PLCXD3: variants seen among roughly 807,000 people sequenced by gnomAD.
PLCXD3 encodes the protein phosphatidylinositol specific phospholipase C X domain containing 3.
In PLCXD3, 19 loss-of-function variants were observed where a neutral mutation model predicts 25.5. That is an observed-to-expected ratio of 0.75 (90% confidence interval 0.52 to 1.09). The LOEUF is 1.09. PLCXD3 is among the 50% of genes least tolerant of loss of function. PLCXD3 has a pLI of 0.00. For missense variants in PLCXD3, 411 were observed against 388.1 expected, an observed-to-expected ratio of 1.06 and a Z score of -0.50; for synonymous variants, 174 against 137.6, an observed-to-expected ratio of 1.26 and a Z score of -1.85.
chr5:41,364,441 C>G (rs1744879280), intron 2 of PLCXD3, among the ~76,000 whole-genome samples: 1 of 152,110 alleles, frequency 6.6e-6, no homozygotes, highest in Admixed American at 6.6e-5. Context: ...AGCAGAAAAT[C>G]CTATTTGCCT....
intron 2 of PLCXD3, 43 bp downstream of exon 2, chr5:41,381,783 T>A (rs1554046374): frequency 6.7e-7 from 1 of 1,483,946 alleles, no homozygotes. Flanking sequence ...AAATTCAAGT[T>A]AAATTATTTG....
intron 2 of PLCXD3, among the ~76,000 whole-genome samples, chr5:41,340,297 A>C (rs1744102886): frequency 6.6e-6 from 1 of 152,202 alleles, no homozygotes; most frequent in Non-Finnish European, 1.5e-5. Flanking sequence ...TGATACTGTG[A>C]AATGACTAAT....
At chr5:41,492,555 G>A (rs1211333030) in intron 1 of PLCXD3, among the ~76,000 whole-genome samples, 12 of 151,228 alleles carry the variant, frequency 7.9e-5, no homozygotes, top group East Asian at 5.8e-4. Flanking sequence ...CATTCTCCCC[G>A]TCACTTTCAG....
At chr5:41,456,507 G>GAA in intron 1 of PLCXD3, 2 of 805,098 alleles carry the variant, frequency 2.5e-6, no homozygotes, top group Non-Finnish European at 3.0e-6. Flanking sequence ...CATTTATGTT[G>GAA]AAAAAAAAAG....
chr5:41,467,481 A>AT (rs1321038272), intron 1 of PLCXD3, among the ~76,000 whole-genome samples: 1 of 151,956 alleles, frequency 6.6e-6, no homozygotes, highest in African/African-American at 2.4e-5. Context: ...ATTTGCAAGT[A>AT]TTTTCTCCCA....
intron 2 of PLCXD3, among the ~76,000 whole-genome samples, chr5:41,361,925 T>G (rs1217551983): frequency 6.6e-6 from 1 of 152,186 alleles, no homozygotes; most frequent in Non-Finnish European, 1.5e-5. Context: ...ACTAGAGATA[T>G]AGAAAGTGGC....
chr5:41,417,663 A>ACCTTTTC (rs1432182358), intron 1 of PLCXD3, among the ~76,000 whole-genome samples: 2 of 152,308 alleles, frequency 1.3e-5, no homozygotes, highest in Non-Finnish European at 1.5e-5. Context: ...GAGTTTACTG[A>ACCTTTTC]CCTTTTCCCT....
intron 1 of PLCXD3, among the ~76,000 whole-genome samples, chr5:41,508,031 T>G (rs1467191221): frequency 6.6e-6 from 1 of 152,218 alleles, no homozygotes. Context: ...CCAAACAAAT[T>G]TACAGAAACA....
At chr5:41,508,342 A>T in intron 1 of PLCXD3, among the ~76,000 whole-genome samples, 1 of 152,214 alleles carries the variant, frequency 6.6e-6, no homozygotes. Flanking sequence ...GGTTAGTCAC[A>T]GTTGCTGCTG....
chr5:41,373,237 A>G (rs749830236), intron 2 of PLCXD3, among the ~76,000 whole-genome samples: 31 of 152,048 alleles, frequency 2.0e-4, no homozygotes, highest in Non-Finnish European at 4.1e-4. Flanking sequence ...TTCTTCCTCA[A>G]CAGAGACAGC....
chr5:41,451,638 TC>T (rs1370708351), intron 1 of PLCXD3, among the ~76,000 whole-genome samples: 69 of 150,554 alleles, frequency 4.6e-4, no homozygotes, highest in Non-Finnish European at 6.2e-4. Flanking sequence ...ATCTTTCCTC[TC>T]TCTTTTTTTT....
chr5:41,358,546 C>T (rs948663312), intron 2 of PLCXD3, among the ~76,000 whole-genome samples: 1 of 152,198 alleles, frequency 6.6e-6, no homozygotes, highest in Non-Finnish European at 1.5e-5. Flanking sequence ...TAAGTGAGAA[C>T]ATATGATGTT....
chr5:41,453,131 T>C (rs900043831), intron 1 of PLCXD3, among the ~76,000 whole-genome samples: 6 of 151,928 alleles, frequency 3.9e-5, no homozygotes, highest in African/African-American at 1.4e-4. Context: ...ACCAAAATTT[T>C]GTATCCTTTG....
chr5:41,327,936 G>T (rs145322544), intron 2 of PLCXD3, among the ~76,000 whole-genome samples: 2 of 152,064 alleles, frequency 1.3e-5, no homozygotes, highest in African/African-American at 2.4e-5. Flanking sequence ...CTCCCAAAGC[G>T]CTGGGATTAC....
chr5:41,440,215 A>ATTTTTTTTTTTTTTTTTTTTTT lies in PLCXD3; in HGVS notation c.104-57703_104-57682dup, dbSNP rs70988846. Among the ~76,000 whole-genome samples the ATTTTTTTTTTTTTTTTTTTTTT allele has an allele frequency of 4.9e-4, 20 of 41,080 alleles. 2 individuals carry two copies. The highest frequency in any genetic ancestry group is 1.0e-3 in the African/African-American group (10 of 9,610). 27.0% of individuals were successfully genotyped at this position (41,080 alleles called of 152,430 possible). On this transcript the variant is annotated intron_variant, in intron 1 of 2. Coordinates refer to ENST00000377801, the MANE Select transcript of PLCXD3 (RefSeq NM_001005473.3). ...TCTGAGCAAATTACATAATCTCTCAATTTTTTTTTTTTTTTTTTTTTTTTT... is the reference window on the plus strand; with the variant it reads ...TCTGAGCAAATTACATAATCTCTCAATTTTTTTTTTTTTTTTTTTTTTTTTTTTTTTTTTTTTTTTTTTTTTT...
chr5:41,489,196 C>T (rs1474988579), intron 1 of PLCXD3, among the ~76,000 whole-genome samples: 2 of 152,050 alleles, frequency 1.3e-5, no homozygotes, highest in Non-Finnish European at 2.9e-5. Flanking sequence ...AATCCTTTCC[C>T]CATTGCTTGT....
At chr5:41,419,246 T>A (rs769377551) in intron 1 of PLCXD3, among the ~76,000 whole-genome samples, 2 of 152,128 alleles carry the variant, frequency 1.3e-5, no homozygotes, top group Non-Finnish European at 2.9e-5. Context: ...CTCAAGATTT[T>A]GTAGCCACAA....
intron 2 of PLCXD3, among the ~76,000 whole-genome samples, chr5:41,368,245 AATTTGGTTCTAT>A (rs1294127275): frequency 2.6e-5 from 4 of 152,074 alleles, no homozygotes; most frequent in African/African-American, 9.6e-5. Context: ...GTTCATTCAT[AATTTGGTTCTAT>A]ATTTGGTTCA....
chr5:41,429,031 C>T (rs2150508121), intron 1 of PLCXD3, among the ~76,000 whole-genome samples: 3 of 152,192 alleles, frequency 2.0e-5, no homozygotes, highest in Admixed American at 2.0e-4. Flanking sequence ...CGTGTTGCTT[C>T]CTGGAAGTTT....
Sources: gnomAD v4.1 joint callset for allele counts (sites outside exome capture counted in the v4.1 genomes callset) on GRCh38, gnomAD v4.1.1 for gene constraint, MANE v1.5 for transcripts, NCBI Gene and HGNC (gene_info 2026-07-23, HGNC 2026-07-21) for gene names.